The following PLXDC1 variants were observed in gnomAD, a reference collection of about 807,000 sequenced individuals.
PLXDC1 encodes the protein plexin domain containing 1.
PLXDC1 carries 39 observed loss-of-function variants against 61.3 expected under a neutral mutation model. The ratio of observed to expected loss-of-function variants is 0.64; its 90% CI spans 0.49 to 0.83. The LOEUF (loss-of-function observed/expected upper bound fraction) is 0.83. PLXDC1 is among the 40% of genes least tolerant of loss of function. The pLI is 0.00. For missense variants in PLXDC1, 596 were observed against 666.5 expected, an observed-to-expected ratio of 0.89 and a Z score of 1.17; for synonymous variants, 212 against 254.5, an observed-to-expected ratio of 0.83 and a Z score of 1.59.
Position 39,067,681 on chromosome 17 carries a change from G to C in PLXDC1, c.*159C>G. The stretch of plus-strand genomic sequence containing the variant: ...TTTTTGGCCCCCTCTTCAATATTCG[G>C]GGTGTGCTGACGAAGCGAGCAGCAG... On this transcript the variant is annotated 3_prime_UTR_variant, in exon 14 of 14. Transcript: ENST00000315392. 1.5e-6 allele frequency: 1 copy of C among 651,010 alleles called. No homozygotes were observed. Among genetic ancestry groups the C allele is most frequent in the Non-Finnish European group, 2.6e-6 (1 of 382,542 alleles). 40.3% of individuals were successfully genotyped at this position (651,010 alleles called of 1,614,324 possible).
chr17:39,076,168 T>C (rs920404590), intron 11 of PLXDC1, among the ~76,000 whole-genome samples: 67 of 151,620 alleles, frequency 4.4e-4, no homozygotes, highest in African/African-American at 1.4e-3. Flanking sequence ...CCCATAACCC[T>C]GAATAACCTA....
chr17:39,093,721 ATAT>A (rs1225996966), intron 7 of PLXDC1, among the ~76,000 whole-genome samples: 3 of 16,388 alleles, frequency 1.8e-4, no homozygotes, highest in African/African-American at 1.0e-3. Flanking sequence ...GTCTTAAAAT[ATAT>A]ATATATATAT....
intron 7 of PLXDC1, among the ~76,000 whole-genome samples, chr17:39,088,617 A>C (rs776035395): frequency 6.6e-6 from 1 of 152,108 alleles, no homozygotes; most frequent in Non-Finnish European, 1.5e-5. Context: ...AGGAACCATG[A>C]CTTGGGGTTG....
At chr17:39,135,407 TG>T (rs1226410571) in intron 2 of PLXDC1, among the ~76,000 whole-genome samples, 1 of 152,170 alleles carries the variant, frequency 6.6e-6, no homozygotes, top group Non-Finnish European at 1.5e-5. Flanking sequence ...CCAGGCATGG[TG>T]GCTCCCGCCT....
intron 2 of PLXDC1, among the ~76,000 whole-genome samples, chr17:39,128,097 G>GTATATATA (rs1419922925): frequency 1.6e-4 from 11 of 67,496 alleles, no homozygotes; most frequent in Non-Finnish European, 1.9e-4. Flanking sequence ...CTCTCTATGT[G>GTATATATA]TATATATATA....
At chr17:39,076,406 G>A (rs1215547445) in intron 11 of PLXDC1, among the ~76,000 whole-genome samples, 1 of 151,504 alleles carries the variant, frequency 6.6e-6, no homozygotes, top group Non-Finnish European at 1.5e-5. Context: ...AGCTGCTTGG[G>A]AGGCTGAGGT....
chr17:39,112,689 G>T (rs984140185), intron 2 of PLXDC1, among the ~76,000 whole-genome samples: 1 of 152,066 alleles, frequency 6.6e-6, no homozygotes, highest in African/African-American at 2.4e-5. Flanking sequence ...GATGGGCAAG[G>T]TCACCTCTGT....
rs1035396531 is a variant in PLXDC1 at position 39,065,802 on chromosome 17, C to G, written c.*2038G>C. 1 of 152,460 alleles carries G rather than the reference C, an allele frequency of 6.6e-6. No individual in the cohort carries two copies. Among genetic ancestry groups the G allele is most frequent in the Non-Finnish European group, 1.5e-5 (1 of 68,262 alleles). The allele number at this position is 152,460 out of a possible 1,614,324, so 9.4% of individuals were successfully genotyped here. On this transcript the variant is annotated 3_prime_UTR_variant, in exon 14 of 14. Coordinates refer to ENST00000315392, the MANE Select transcript of PLXDC1 (RefSeq NM_020405.5). Reference sequence around the variant, plus strand: ...GCCCTGCGACTGGCTGACAGTCCAGCAAGGCAAGGAGGTAGGTACTTCACA... The same window carrying G: ...GCCCTGCGACTGGCTGACAGTCCAGGAAGGCAAGGAGGTAGGTACTTCACA...
rs8064625 is a variant in PLXDC1, at chr17:39,109,258, C to T, written c.389G>A (p.Arg130Gln). The T allele has an allele frequency of 1.2e-5, 19 of 1,605,730 alleles. No individual in the cohort carries two copies. The Admixed American group carries it at 1.2e-4, about 10-fold the overall frequency. Residue 130 changes from arginine to glutamine, a missense_variant, in exon 3 of 14, where the codon CGG (arginine) becomes CAG (glutamine). By Grantham distance (43) the Arg-to-Gln change is conservative. Coordinates refer to ENST00000315392, the MANE Select transcript of PLXDC1 (RefSeq NM_020405.5). The part of the protein sequence containing the change: ...KIHTILSNTH[R>Q]QASRVVLSFD... ...GACTGGGGCACTCACCGAAGCCTGC[C>T]GGTGGGTGTTGGAGAGTATTGTGTG...
At chr17:39,080,104 A>T (rs760722835) in intron 9 of PLXDC1, 1 of 154,438 alleles carries the variant, frequency 6.5e-6, no homozygotes, top group Non-Finnish European at 1.4e-5. Flanking sequence ...AGGCTATTGG[A>T]GGCTGAGAAC....
chr17:39,128,748 C>T (rs995327541), intron 2 of PLXDC1, among the ~76,000 whole-genome samples: 12 of 151,954 alleles, frequency 7.9e-5, no homozygotes, highest in Non-Finnish European at 1.6e-4. Flanking sequence ...CAGTGGCTCA[C>T]GCCTGTAATC....
intron 2 of PLXDC1, among the ~76,000 whole-genome samples, chr17:39,128,087 C>CTATGTATATA (rs1304464750): frequency 1.5e-4 from 10 of 67,250 alleles, no homozygotes; most frequent in South Asian, 5.8e-4. Context: ...CTCTCTCTCT[C>CTATGTATATA]TCTCTATGTG....
At chr17:39,137,453 G>A (rs1234295814) in intron 2 of PLXDC1, 1 of 152,214 alleles carries the variant, frequency 6.6e-6, no homozygotes, top group Non-Finnish European at 1.5e-5. Flanking sequence ...TTACTCAGGA[G>A]GCTGAGGTAG....
chr17:39,121,628 C>T (rs993867819), intron 2 of PLXDC1, among the ~76,000 whole-genome samples: 3 of 152,170 alleles, frequency 2.0e-5, no homozygotes, highest in African/African-American at 7.2e-5. Context: ...AGGAACCCCA[C>T]CCATGGCAAA....
At chr17:39,092,486 A>G (rs1468303026) in intron 7 of PLXDC1, among the ~76,000 whole-genome samples, 1 of 152,268 alleles carries the variant, frequency 6.6e-6, no homozygotes, top group Non-Finnish European at 1.5e-5. Context: ...TGACTCCTTC[A>G]GCATGTCGGT....
chr17:39,147,081 A>G (rs11653627), intron 1 of PLXDC1, among the ~76,000 whole-genome samples: 63,898 of 149,252 alleles, frequency 0.43, 13,661 homozygotes, highest in Non-Finnish European at 0.46. Context: ...TCAGCCTCCC[A>G]AGTAGCTGGG....
chr17:39,070,085 G>T, intron 12 of PLXDC1, 69 bp from the exon 13 acceptor site: 2 of 1,230,550 alleles, frequency 1.6e-6, no homozygotes, highest in East Asian at 2.4e-5. Flanking sequence ...TGGGGTCTTG[G>T]GTTCTAACAA....
intron 2 of PLXDC1, chr17:39,112,364 G>A (rs2143713715): frequency 6.6e-6 from 1 of 152,054 alleles, no homozygotes; most frequent in South Asian, 2.1e-4. Context: ...AAACAAAAAA[G>A]TGGCTTATTA....
chr17:39,110,244 G>T (rs540612280), intron 2 of PLXDC1, among the ~76,000 whole-genome samples: 1 of 152,230 alleles, frequency 6.6e-6, no homozygotes, highest in South Asian at 2.1e-4. Flanking sequence ...AGCAGACACA[G>T]ACCCTCAAGC....
Sources: allele counts gnomAD v4.1 joint callset (sites outside exome capture counted in the v4.1 genomes callset), GRCh38; gene constraint gnomAD v4.1.1; transcripts MANE v1.5; gene names NCBI Gene and HGNC (gene_info 2026-07-23, HGNC 2026-07-21).